Variants in TBX15 observed in about 807,000 individuals in gnomAD.
TBX15 encodes T-box transcription factor 15.
A neutral mutation model predicts 53.9 loss-of-function variants in TBX15; 18 were observed. That is an observed-to-expected ratio of 0.33 (90% CI 0.23 to 0.49). The LOEUF (loss-of-function observed/expected upper bound fraction) is 0.49, where lower values mean the gene tolerates loss of function less well. Among genes scored for constraint, TBX15 ranks in the 20% least tolerant of loss-of-function variants. The probability of loss-of-function intolerance (pLI) is 0.98; values close to 1 mark genes in which losing one functional copy is unlikely to be tolerated. For missense variants in TBX15, 692 were observed against 749.5 expected (o/e 0.92, Z 0.90); for synonymous variants, 295 against 278.0 (o/e 1.06, Z -0.61).
intron 7 of TBX15, among the ~76,000 whole-genome samples, chr1:118,898,511 G>T (rs1023756309): frequency 6.6e-6 from 1 of 152,102 alleles, no homozygotes; most frequent in African/African-American, 2.4e-5. Context: ...CCAACTGAGA[G>T]GGGTGTTGTT....
intron 1 of TBX15, among the ~76,000 whole-genome samples, chr1:118,932,409 T>A (rs978473754): frequency 1.3e-5 from 2 of 152,188 alleles, no homozygotes; most frequent in Non-Finnish European, 2.9e-5. Flanking sequence ...TACTTTGTCA[T>A]ATATTTGAGT....
At chr1:118,898,896 T>C in intron 7 of TBX15, 132 bp downstream of exon 7, 1 of 920,732 alleles carries the variant, frequency 1.1e-6, no homozygotes, top group Non-Finnish European at 1.7e-6. Flanking sequence ...ACAGAGCTCC[T>C]GAGTTCTCTT....
intron 6 of TBX15, among the ~76,000 whole-genome samples, chr1:118,912,842 A>C (rs571526557): frequency 6.6e-6 from 1 of 152,208 alleles, no homozygotes. Context: ...CCTGAGTTCT[A>C]CTACGCTCTA....
chr1:118,954,766 T>G (rs1392425554), intron 1 of TBX15, among the ~76,000 whole-genome samples: 1 of 152,304 alleles, frequency 6.6e-6, no homozygotes, highest in African/African-American at 2.4e-5. Flanking sequence ...CAACCCGATA[T>G]TCATTCCAGG....
At position 118,988,110 on chromosome 1, in the gene TBX15, A is replaced by C; in HGVS notation, c.-315T>G. ...AGGCGCTCACAGACTGTGTCCACTG[A>C]ACTTCATCTTGTTTTTGTTATTATT... is the stretch of plus-strand genomic sequence containing the variant. On this transcript the variant is annotated 5_prime_UTR_variant, in exon 1 of 8. Transcript: ENST00000369429. The C allele has an allele frequency of 7.1e-6, 3 of 425,456 alleles. No individual in the cohort carries two copies. Among genetic ancestry groups the C allele is most frequent in the Non-Finnish European group, 1.2e-5 (3 of 240,404 alleles). The allele number at this position is 425,456 out of a possible 1,614,324, so 26.4% of individuals were successfully genotyped here. A position where few individuals can be genotyped will look rare whatever the true frequency, so the allele number is the denominator to read the frequency against.
Position 118,924,596 on chromosome 1 carries a change from GCAAA to G in TBX15, c.693+46_693+49del, listed in dbSNP as rs1655532908. On this transcript the variant is annotated intron_variant, in intron 4 of 7. Transcript: ENST00000369429. The stretch of plus-strand genomic sequence containing the variant: ...AAGACTGGGGCTAGCCAGCTCTAAA[GCAAA>G]CAGAGGAAGAGAGAAAGAAAGGGGA... The G allele has an allele frequency of 3.7e-6, 6 of 1,610,580 alleles. No homozygotes were observed. In the East Asian group the frequency reaches 1.3e-4, roughly 36 times the overall value.
At chr1:118,927,949 G>A (rs144926188) in intron 2 of TBX15, among the ~76,000 whole-genome samples, 5 of 152,338 alleles carry the variant, frequency 3.3e-5, no homozygotes, top group Non-Finnish European at 5.9e-5. Context: ...GGGCTAGTTA[G>A]TTGAGCTGGG....
At chr1:118,967,882 G>GA (rs1214992491) in intron 1 of TBX15, among the ~76,000 whole-genome samples, 1 of 152,176 alleles carries the variant, frequency 6.6e-6, no homozygotes, top group Non-Finnish European at 1.5e-5. Context: ...GCCACAGCCA[G>GA]AAAAACATCC....
At chr1:118,905,005 G>C (rs1209912382) in intron 6 of TBX15, among the ~76,000 whole-genome samples, 1 of 152,072 alleles carries the variant, frequency 6.6e-6, no homozygotes, top group Non-Finnish European at 1.5e-5. Context: ...ACTGATTAAA[G>C]ACAAAATGTA....
intron 7 of TBX15, among the ~76,000 whole-genome samples, chr1:118,895,454 G>A (rs372465904): frequency 7.0e-4 from 106 of 152,284 alleles, no homozygotes; most frequent in African/African-American, 2.4e-3. Context: ...GGAAGTTGAG[G>A]CACAGATTTT....
chr1:118,959,729 A>G (rs1656803360), intron 1 of TBX15, among the ~76,000 whole-genome samples: 1 of 152,238 alleles, frequency 6.6e-6, no homozygotes, highest in African/African-American at 2.4e-5. Context: ...GGAGCTACAT[A>G]TAGACCAAAT....
intron 6 of TBX15, among the ~76,000 whole-genome samples, chr1:118,909,437 G>A (rs374750284): frequency 6.6e-6 from 1 of 152,340 alleles, no homozygotes; most frequent in East Asian, 1.9e-4. Flanking sequence ...AAGAATCTGG[G>A]GGGTTCCTTC....
intron 1 of TBX15, among the ~76,000 whole-genome samples, chr1:118,972,774 A>G (rs1657273440): frequency 6.6e-6 from 1 of 151,910 alleles, no homozygotes; most frequent in South Asian, 2.1e-4. Context: ...TAATTTTTGT[A>G]TTTTTAGTAG....
intron 7 of TBX15, chr1:118,890,875 A>C: frequency 7.7e-7 from 1 of 1,303,436 alleles, no homozygotes. Context: ...ACTTCGTTCC[A>C]TGAGCCAGAC....
At chr1:118,928,059 A>C (rs562018350) in intron 2 of TBX15, among the ~76,000 whole-genome samples, 104 of 152,188 alleles carry the variant, frequency 6.8e-4, no homozygotes, top group Non-Finnish European at 1.4e-3. Context: ...CCCTGACCTC[A>C]AACAGCCATC....
rs1258040766 is a variant in TBX15, at chr1:118,907,935, C to T, written c.926+6180G>A. Among the ~76,000 whole-genome samples, 5 of 152,134 alleles carry T rather than the reference C, an allele frequency of 3.3e-5. No individual in the cohort carries two copies. The East Asian group carries it at 9.7e-4, about 29-fold the overall frequency. On this transcript the variant is annotated intron_variant, in intron 6 of 7. Transcript: ENST00000369429. ...GCCAGAACACACAGACATGCCCCAG[C>T]TACCCAGAGCCAGATCAGAGGGTCT...
chr1:118,971,924 T>A (rs1474452616), intron 1 of TBX15, among the ~76,000 whole-genome samples: 1 of 152,242 alleles, frequency 6.6e-6, no homozygotes, highest in Non-Finnish European at 1.5e-5. Context: ...CCGGCAGTTA[T>A]TCTATAAATG....
chr1:118,918,174 T>C (rs1779430), intron 5 of TBX15, among the ~76,000 whole-genome samples: 101,466 of 152,034 alleles, frequency 0.67, 34,198 homozygotes, highest in East Asian at 0.79. Flanking sequence ...CTTAACTGCA[T>C]CCTTTTAAAT....
intron 2 of TBX15, among the ~76,000 whole-genome samples, chr1:118,927,189 A>G (rs1655628720): frequency 6.6e-6 from 1 of 152,168 alleles, no homozygotes; most frequent in Non-Finnish European, 1.5e-5. Context: ...GACCTATTTG[A>G]TGATTCATAC....
Sources: gnomAD v4.1 joint callset for allele counts (sites outside exome capture counted in the v4.1 genomes callset) on GRCh38, gnomAD v4.1.1 for gene constraint, MANE v1.5 for transcripts, NCBI Gene and HGNC (gene_info 2026-07-23, HGNC 2026-07-21) for gene names.